MRM1: variants seen among roughly 807,000 people sequenced by gnomAD.
MRM1 encodes the protein mitochondrial rRNA methyltransferase 1, also known as rRNA methyltransferase 1, mitochondrial.
Under a neutral mutation model 25.0 loss-of-function variants are expected in MRM1, and 24 were observed. The observed-to-expected ratio is 0.96, with a 90% CI of 0.69 to 1.35. The LOEUF (loss-of-function observed/expected upper bound fraction) is 1.35, where lower values mean the gene tolerates loss of function less well. MRM1 is among the 40% of genes most tolerant of loss of function. The pLI is 0.00. For missense variants in MRM1, 431 were observed against 464.1 expected (o/e 0.93, Z 0.65); for synonymous variants, 188 against 199.2 (o/e 0.94, Z 0.47).
At position 36,608,427 on chromosome 17, in the gene MRM1, C is replaced by T. The variant is rs201617993; in HGVS notation, c.*12C>T. 610 of 1,515,854 alleles carry T rather than the reference C, an allele frequency of 4.0e-4. 2 individuals are homozygous for T. In the African/African-American group the frequency reaches 4.4e-3, roughly 11 times the overall value. 93.9% of individuals were successfully genotyped at this position (1,515,854 alleles called of 1,614,324 possible). The stretch of plus-strand genomic sequence containing the variant: ...AAAATGAGGGCTGACGTGGACTGTC[C>T]ACAGTGTTCATGTGCTGGAGTCAGG... On this transcript the variant is annotated 3_prime_UTR_variant, in exon 5 of 5. Transcript: ENST00000614766.
chr17:36,607,895 G>T lies in MRM1; in HGVS notation c.770-4G>T. ...ACCCTAACCCTCAGCCCCACGCCCT[G>T]CAGGGAATGAGGGCTCAGGTCTATC... is the stretch of plus-strand genomic sequence containing the variant. On this transcript the variant is annotated splice_polypyrimidine_tract_variant and splice_region_variant and intron_variant, in intron 3 of 4. Coordinates refer to ENST00000614766, the MANE Select transcript of MRM1 (RefSeq NM_024864.5). 6.2e-7 allele frequency: 1 copy of T among 1,613,778 alleles called. No homozygotes were observed. The highest frequency in any genetic ancestry group is 8.5e-7 in the Non-Finnish European group (1 of 1,179,768).
downstream of MRM1, among the ~76,000 whole-genome samples, chr17:36,609,433 AG>A (rs2074960768): frequency 6.6e-6 from 1 of 152,260 alleles, no homozygotes; most frequent in East Asian, 1.9e-4. Flanking sequence ...CCACTAGGGC[AG>A]GTGGACTCAA....
chr17:36,620,955 T>C, the MRM1 span, among the ~76,000 whole-genome samples: 49,663 of 152,046 alleles, frequency 0.33, 9,723 homozygotes, highest in African/African-American at 0.55. Flanking sequence ...GACTTTAGAA[T>C]CTGGTGGACC....
the MRM1 span, among the ~76,000 whole-genome samples, chr17:36,620,548 G>A: frequency 1.3e-5 from 2 of 152,344 alleles, no homozygotes; most frequent in East Asian, 3.9e-4. Context: ...CTTGGAGGTA[G>A]TGAGCTCCCT....
chr17:36,620,590 C>G, the MRM1 span, among the ~76,000 whole-genome samples: 1 of 152,314 alleles, frequency 6.6e-6, no homozygotes, highest in African/African-American at 2.4e-5. Flanking sequence ...CTCAGTTGAT[C>G]ACTCAGAATA....
In MRM1 at chr17:36,601,864, T is replaced by C; in HGVS notation, c.54T>C (p.Arg18=). 6.2e-7 allele frequency: 1 copy of C among 1,602,862 alleles called. No individual in the cohort carries two copies. Among genetic ancestry groups the C allele is most frequent in the East Asian group, 2.2e-5 (1 of 44,674 alleles). The stretch of plus-strand genomic sequence containing the variant: ...CGACCTGGGGTCGCCTCGTCACCCG[T>C]CATTTCTCCCATGCAGCGCGGCATG... ...RGATWGRLVT[R]HFSHAARHGE... is the part of the protein sequence containing the mutation. The change falls in exon 1 of 5, where the codon CGT becomes CGC. Residue 18 remains arginine (R), a synonymous_variant. Coordinates refer to ENST00000614766, the MANE Select transcript of MRM1 (RefSeq NM_024864.5).
At chr17:36,632,968 G>C in the MRM1 span, among the ~76,000 whole-genome samples, 1 of 152,248 alleles carries the variant, frequency 6.6e-6, no homozygotes, top group African/African-American at 2.4e-5. Flanking sequence ...GGGTAAGTGC[G>C]GTAAAACGGA....
the MRM1 span, among the ~76,000 whole-genome samples, chr17:36,621,696 C>T: frequency 6.6e-6 from 1 of 152,190 alleles, no homozygotes; most frequent in Non-Finnish European, 1.5e-5. Context: ...CCACCTCAGC[C>T]CCTCAACTAC....
chr17:36,607,764 T>G lies in MRM1; in HGVS notation c.731T>G (p.Leu244Trp). Reference protein sequence around the residue: ...QSSEIPIMSCLEFLWERPTLL... With the variant: ...QSSEIPIMSCWEFLWERPTLL... ...TCCGAGATCCCCATCATGAGTTGCTTGGAGTTCCTCTGGGAACGGCCTACT... is the reference window on the plus strand; with the variant it reads ...TCCGAGATCCCCATCATGAGTTGCTGGGAGTTCCTCTGGGAACGGCCTACT... The change falls in exon 3 of 5, where the codon TTG (leucine) becomes TGG (tryptophan). Residue 244 changes from leucine (L) to tryptophan (W), a missense_variant. Coordinates refer to ENST00000614766, the MANE Select transcript of MRM1 (RefSeq NM_024864.5). The G allele has an allele frequency of 1.9e-6, 3 of 1,614,134 alleles. No homozygotes were observed. The highest frequency in any genetic ancestry group is 2.5e-6 in the Non-Finnish European group (3 of 1,180,032).
In MRM1 at chr17:36,601,844, TGGGGTCGCCTCGTCACCC is replaced by T; in HGVS notation, c.36_53del (p.Trp12_Arg18delinsCys). ...GCTCTCGACCGTCCGGGGCGCGACC[TGGGGTCGCCTCGTCACCC>T]GTCATTTCTCCCATGCAGCGCGGCA... On this transcript the variant is annotated inframe_deletion, in exon 1 of 5. Transcript: ENST00000614766. The T allele has an allele frequency of 6.3e-7, 1 of 1,588,988 alleles. No homozygotes were observed. Among genetic ancestry groups the T allele is most frequent in the Non-Finnish European group, 8.6e-7 (1 of 1,169,408 alleles).
downstream of MRM1, among the ~76,000 whole-genome samples, chr17:36,609,721 C>T (rs923948765): frequency 6.6e-6 from 1 of 152,194 alleles, no homozygotes; most frequent in African/African-American, 2.4e-5. Context: ...CCACCTGGGC[C>T]TCGGTGCCCT....
downstream of MRM1, among the ~76,000 whole-genome samples, chr17:36,612,429 G>T (rs1203368675): frequency 1.3e-5 from 2 of 152,248 alleles, no homozygotes; most frequent in African/African-American, 4.8e-5. Context: ...GGATGAGGAG[G>T]ATGAGGCCTG....
the MRM1 span, among the ~76,000 whole-genome samples, chr17:36,630,221 A>C: frequency 6.6e-6 from 1 of 152,152 alleles, no homozygotes; most frequent in African/African-American, 2.4e-5. Flanking sequence ...CTGCAGGCCC[A>C]GTAAACACTC....
chr17:36,618,853 A>G, the MRM1 span, among the ~76,000 whole-genome samples: 1 of 152,178 alleles, frequency 6.6e-6, no homozygotes, highest in Non-Finnish European at 1.5e-5. Context: ...ACATTTGACA[A>G]CTTGCCCCAG....
At chr17:36,607,878 C>A in intron 3 of MRM1, 21 bp from the exon 4 acceptor site, 2 of 1,613,248 alleles carry the variant, frequency 1.2e-6, no homozygotes, top group South Asian at 2.2e-5. Flanking sequence ...CAACCCTAAC[C>A]CTCAGCCCCA....
the MRM1 span, among the ~76,000 whole-genome samples, chr17:36,631,838 A>G: frequency 1.3e-5 from 2 of 152,042 alleles, no homozygotes; most frequent in Admixed American, 6.6e-5. Context: ...GATGGGATCA[A>G]CCCTTCCCCC....
chr17:36,624,592 G>T, the MRM1 span, among the ~76,000 whole-genome samples: 1 of 152,210 alleles, frequency 6.6e-6, no homozygotes, highest in South Asian at 2.1e-4. This position sits in a 1 kb window ranked among gnomAD's most constrained non-coding sequence, Gnocchi z 4.0. Context: ...TGCTGTGACT[G>T]GTGGAGGGGA....
the MRM1 span, among the ~76,000 whole-genome samples, chr17:36,617,121 A>G: frequency 2.0e-5 from 3 of 152,224 alleles, no homozygotes; most frequent in East Asian, 5.8e-4. Flanking sequence ...GTGGTGTTCC[A>G]GGCTGGAAGC....
Position 36,602,529 on chromosome 17 carries a change from GC to G in MRM1, c.543-23del. On this transcript the variant is annotated intron_variant, in intron 1 of 4. Transcript: ENST00000614766. The surrounding 1 kb of genome is among the most constrained non-coding windows in gnomAD (Gnocchi z 4.1). The stretch of plus-strand genomic sequence containing the variant: ...CGGGCTTGAGATGGCCCAGCCTAAT[GC>G]GGGGAACGGGGAAACCTTGCAGCTG... The G allele has an allele frequency of 5.6e-6, 9 of 1,614,148 alleles. No homozygotes were observed. The highest frequency in any genetic ancestry group is 6.8e-6 in the Non-Finnish European group (8 of 1,180,004).
Sources: gnomAD v4.1 joint callset for allele counts (sites outside exome capture counted in the v4.1 genomes callset) on GRCh38, gnomAD v4.1.1 for gene constraint, Gnocchi (gnomAD v3.1) non-coding constraint, MANE v1.5 for transcripts, NCBI Gene and HGNC (gene_info 2026-07-23, HGNC 2026-07-21) for gene names.